The following FHIT variants were observed in gnomAD, a reference collection of about 807,000 sequenced individuals.
FHIT encodes the protein bis(5'-adenosyl)-triphosphatase.
FHIT carries 19 observed loss-of-function variants against 17.9 expected under a neutral mutation model. The observed-to-expected ratio is 1.06, with a 90% CI of 0.74 to 1.56. The LOEUF is 1.56. Ranked by LOEUF, FHIT falls within the 40% of genes most tolerant of loss-of-function variation. FHIT has a pLI of 0.00. For synonymous variants in FHIT, 81 were observed against 69.7 expected (o/e 1.16, Z -0.81); for missense variants, 248 against 189.2 (o/e 1.31, Z -1.82).
At chr3:60,765,484 G>A (rs1699818950) in intron 4 of FHIT, 1 of 152,168 alleles carries the variant, frequency 6.6e-6, no homozygotes, top group African/African-American at 2.4e-5. Flanking sequence ...GGTAAGGTTA[G>A]GGGGAAAGCC....
At chr3:60,596,758 C>T (rs2038284202) in intron 4 of FHIT, among the ~76,000 whole-genome samples, 1 of 152,096 alleles carries the variant, frequency 6.6e-6, no homozygotes, top group South Asian at 2.1e-4. Flanking sequence ...GTGTGACTGC[C>T]TATAGAGAGC....
intron 5 of FHIT, among the ~76,000 whole-genome samples, chr3:60,492,666 C>G (rs922481408): frequency 2.0e-5 from 3 of 151,938 alleles, no homozygotes; most frequent in Admixed American, 2.0e-4. Flanking sequence ...ACCATCATGC[C>G]TGGCTAATTT....
chr3:60,041,014 G>T (rs916083357), intron 5 of FHIT, among the ~76,000 whole-genome samples: 3 of 152,084 alleles, frequency 2.0e-5, no homozygotes, highest in Admixed American at 6.5e-5. Flanking sequence ...TAAACCACAG[G>T]TGTCAGATAT....
chr3:60,860,453 CAT>C (rs1703670086), intron 3 of FHIT, among the ~76,000 whole-genome samples: 1 of 118,198 alleles, frequency 8.5e-6, no homozygotes. Context: ...ATATATGATA[CAT>C]ATGTACATAT....
At chr3:60,806,889 C>T (rs528239156) in intron 4 of FHIT, among the ~76,000 whole-genome samples, 46 of 152,196 alleles carry the variant, frequency 3.0e-4, no homozygotes, top group Non-Finnish European at 4.7e-4. Flanking sequence ...GTGAGGCCAA[C>T]ATCTTAGAAA....
chr3:59,951,705 C>T (rs978209806), intron 7 of FHIT, among the ~76,000 whole-genome samples: 1 of 147,438 alleles, frequency 6.8e-6, no homozygotes, highest in Non-Finnish European at 1.5e-5. Flanking sequence ...TGAGATCCCA[C>T]ACAGGCCTCC....
intron 4 of FHIT, among the ~76,000 whole-genome samples, chr3:60,615,320 A>G (rs7638130): frequency 0.36 from 55,271 of 151,940 alleles, 10,708 homozygotes; most frequent in Non-Finnish European, 0.42. Context: ...TCATTAGAGG[A>G]GCTATTCAAC....
chr3:60,232,673 A>C (rs1329765111), intron 5 of FHIT, among the ~76,000 whole-genome samples: 1 of 152,170 alleles, frequency 6.6e-6, no homozygotes, highest in Non-Finnish European at 1.5e-5. Flanking sequence ...GGCATATCCC[A>C]AAGCTAAAAT....
intron 3 of FHIT, among the ~76,000 whole-genome samples, chr3:60,918,181 A>C (rs1553767511): frequency 6.6e-6 from 1 of 152,192 alleles, no homozygotes; most frequent in Non-Finnish European, 1.5e-5. Flanking sequence ...TTTGCCTTGC[A>C]CCATGATTGT....
rs770226654 is a variant in FHIT at position 59,807,116 on chromosome 3, A to C, written c.349-54795T>G. Among the ~76,000 whole-genome samples the C allele has an allele frequency of 4.6e-5, 7 of 152,314 alleles. No individual in the cohort carries two copies. In the South Asian group the frequency reaches 1.5e-3, roughly 32 times the overall value. On this transcript the variant is annotated intron_variant, in intron 8 of 9. Coordinates refer to ENST00000492590, the MANE Select transcript of FHIT (RefSeq NM_002012.4). ...CCTGAGAACACACACAGATTTCTCT[A>C]TGAGAGCAAAATAAGAGATATATAC...
chr3:60,421,375 G>A (rs1702459219), intron 5 of FHIT, among the ~76,000 whole-genome samples: 2 of 152,086 alleles, frequency 1.3e-5, no homozygotes, highest in Non-Finnish European at 1.5e-5. Flanking sequence ...TTGAAATTTA[G>A]TTCAATCGAT....
chr3:60,988,072 G>T (rs56408360), intron 3 of FHIT, among the ~76,000 whole-genome samples: 7,151 of 152,204 alleles, frequency 0.047, 216 homozygotes, highest in Non-Finnish European at 0.068. Context: ...ATGTCACCTT[G>T]TACTATCAAA....
intron 5 of FHIT, among the ~76,000 whole-genome samples, chr3:60,424,249 T>C (rs1702580842): frequency 6.6e-6 from 1 of 152,134 alleles, no homozygotes; most frequent in African/African-American, 2.4e-5. Context: ...AGAAGGTCAG[T>C]GCTCTTAGCC....
intron 5 of FHIT, among the ~76,000 whole-genome samples, chr3:60,266,764 G>A (rs991324925): frequency 8.6e-5 from 13 of 152,046 alleles, no homozygotes; most frequent in Non-Finnish European, 1.5e-4. Flanking sequence ...CAGGGCTGCA[G>A]GAGAGATGTC....
intron 3 of FHIT, among the ~76,000 whole-genome samples, chr3:60,950,265 T>C (rs190695856): frequency 9.2e-5 from 14 of 152,270 alleles, no homozygotes; most frequent in African/African-American, 3.1e-4. Context: ...AAAAAAAGAT[T>C]TGTGGTACTA....
At chr3:61,194,747 G>C (rs1217093196) in intron 2 of FHIT, among the ~76,000 whole-genome samples, 2 of 152,126 alleles carry the variant, frequency 1.3e-5, no homozygotes, top group Middle Eastern at 3.2e-3. Context: ...GTCACACATG[G>C]TATGTAAAGT....
At chr3:60,999,417 T>C (rs923128611) in intron 3 of FHIT, among the ~76,000 whole-genome samples, 2 of 150,846 alleles carry the variant, frequency 1.3e-5, no homozygotes, top group Non-Finnish European at 2.9e-5. Context: ...TGGAGAGAAA[T>C]GCATAACATC....
intron 7 of FHIT, among the ~76,000 whole-genome samples, chr3:59,975,641 A>G (rs1439728361): frequency 6.6e-6 from 1 of 152,060 alleles, no homozygotes; most frequent in Admixed American, 6.6e-5. Context: ...AGAGAAAGAG[A>G]GCAGGAGAGA....
At chr3:60,913,184 C>A (rs567161783) in intron 3 of FHIT, among the ~76,000 whole-genome samples, 1 of 152,306 alleles carries the variant, frequency 6.6e-6, no homozygotes, top group African/African-American at 2.4e-5. Flanking sequence ...CTTGCCCAGC[C>A]AAGTACCTTG....
Sources: allele counts gnomAD v4.1 joint callset (sites outside exome capture counted in the v4.1 genomes callset), GRCh38; gene constraint gnomAD v4.1.1; transcripts MANE v1.5; gene names NCBI Gene and HGNC (gene_info 2026-07-23, HGNC 2026-07-21).